Variants in CAMKMT observed in about 807,000 individuals in gnomAD.
CAMKMT encodes calmodulin-lysine N-methyltransferase.
Under a neutral mutation model 48.0 loss-of-function variants are expected in CAMKMT, and 53 were observed. The ratio of observed to expected loss-of-function variants is 1.10; its 90% CI spans 0.89 to 1.39. CAMKMT has a LOEUF of 1.39. Ranked by LOEUF, CAMKMT falls within the 40% of genes most tolerant of loss-of-function variation. The pLI, the probability that CAMKMT is intolerant of heterozygous loss-of-function variation, is 0.00. For missense variants in CAMKMT, 428 were observed against 402.7 expected (o/e 1.06, Z -0.54); for synonymous variants, 165 against 152.3 (o/e 1.08, Z -0.61).
At chr2:44,769,891 C>G (rs1681034646) in intron 10 of CAMKMT, among the ~76,000 whole-genome samples, 1 of 152,108 alleles carries the variant, frequency 6.6e-6, no homozygotes, top group Non-Finnish European at 1.5e-5. Context: ...AGTCTGAACT[C>G]CACTCCTGCT....
At chr2:44,367,981 C>T (rs1037671540) in intron 1 of CAMKMT, among the ~76,000 whole-genome samples, 2 of 152,182 alleles carry the variant, frequency 1.3e-5, no homozygotes, top group African/African-American at 4.8e-5. Flanking sequence ...CTGGAGTAAA[C>T]AAACATTTCA....
At chr2:44,710,849 G>A (rs544210278) in intron 6 of CAMKMT, among the ~76,000 whole-genome samples, 2 of 152,290 alleles carry the variant, frequency 1.3e-5, no homozygotes, top group Non-Finnish European at 2.9e-5. Flanking sequence ...AATGTGCCCA[G>A]CACAAGCACC....
intron 1 of CAMKMT, among the ~76,000 whole-genome samples, chr2:44,363,089 T>C (rs1678126632): frequency 1.3e-5 from 2 of 152,336 alleles, no homozygotes; most frequent in South Asian, 2.1e-4. Flanking sequence ...TGCAGTTGCC[T>C]TGAGTCACCT....
chr2:44,671,528 C>T (rs1470313440), intron 3 of CAMKMT, among the ~76,000 whole-genome samples: 2 of 152,206 alleles, frequency 1.3e-5, no homozygotes, highest in African/African-American at 4.8e-5. Flanking sequence ...TGAGGGTGTT[C>T]AACAGCAGCA....
chr2:44,525,124 T>A (rs938515641), intron 3 of CAMKMT, among the ~76,000 whole-genome samples: 5 of 152,228 alleles, frequency 3.3e-5, no homozygotes, highest in African/African-American at 1.2e-4. Flanking sequence ...TTCAGGCATT[T>A]ATATAAATTT....
chr2:44,655,717 TATCCA>T (rs149327373), intron 3 of CAMKMT, among the ~76,000 whole-genome samples: 39 of 152,344 alleles, frequency 2.6e-4, no homozygotes, highest in African/African-American at 8.9e-4. Context: ...AGAGCAGAGC[TATCCA>T]ATTAGAAAAG....
chr2:44,583,948 G>T (rs1223519566), intron 3 of CAMKMT, among the ~76,000 whole-genome samples: 1 of 152,116 alleles, frequency 6.6e-6, no homozygotes, highest in Non-Finnish European at 1.5e-5. Flanking sequence ...GTATGTATAA[G>T]CATATACATA....
rs1277716140 is a variant in CAMKMT at position 44,619,744 on chromosome 2, A to G, written c.377-84539A>G. Among the ~76,000 whole-genome samples the G allele has an allele frequency of 2.6e-5, 4 of 152,208 alleles. No individual in the cohort carries two copies. In the East Asian group the frequency reaches 5.8e-4, roughly 22 times the overall value. On this transcript the variant is annotated intron_variant, in intron 3 of 10. Coordinates refer to ENST00000378494, the MANE Select transcript of CAMKMT (RefSeq NM_024766.5). ...TTTTTGAAGAGCTTGATTTATAAACAGGGCATTCTTGGTGTATGCACTTAA... is the reference window on the plus strand; with the variant it reads ...TTTTTGAAGAGCTTGATTTATAAACGGGGCATTCTTGGTGTATGCACTTAA...
At chr2:44,593,537 C>T (rs1670448557) in intron 3 of CAMKMT, among the ~76,000 whole-genome samples, 2 of 152,178 alleles carry the variant, frequency 1.3e-5, no homozygotes, top group Admixed American at 1.3e-4. Context: ...AGCCCGGAAT[C>T]TCTCTTAAAC....
rs897203877 is a variant in CAMKMT at position 44,552,640 on chromosome 2, A to G, written c.377-151643A>G. On this transcript the variant is annotated intron_variant, in intron 3 of 10. Transcript: ENST00000378494. ...CCATGCTAAGCGATTTACATACATC[A>G]TCTCATTTAATTCTTACAACTGTTC... is the stretch of plus-strand genomic sequence containing the variant. Among the ~76,000 whole-genome samples, 64 of 152,188 alleles carry G rather than the reference A, an allele frequency of 4.2e-4. 1 individual carries two copies. Among genetic ancestry groups the G allele is most frequent in the Non-Finnish European group, 7.3e-5 (5 of 68,036 alleles).
intron 3 of CAMKMT, among the ~76,000 whole-genome samples, chr2:44,611,912 A>T (rs1485808144): frequency 7.2e-5 from 11 of 152,068 alleles, no homozygotes. Context: ...GCAAGAGCTC[A>T]CTTATCACCA....
intron 3 of CAMKMT, among the ~76,000 whole-genome samples, chr2:44,511,429 C>CCTG (rs1670546187): frequency 6.6e-6 from 1 of 152,160 alleles, no homozygotes; most frequent in Non-Finnish European, 1.5e-5. Flanking sequence ...GCTGGGACTA[C>CCTG]AGGTGTGCAC....
At chr2:44,617,348 G>A (rs1023786737) in intron 3 of CAMKMT, among the ~76,000 whole-genome samples, 1 of 152,008 alleles carries the variant, frequency 6.6e-6, no homozygotes, top group Non-Finnish European at 1.5e-5. Context: ...AATTATTATT[G>A]TTGAATTGCC....
chr2:44,549,358 T>C (rs1667580222), intron 3 of CAMKMT, among the ~76,000 whole-genome samples: 2 of 149,616 alleles, frequency 1.3e-5, no homozygotes, highest in South Asian at 4.2e-4. Flanking sequence ...AGTTTTATAA[T>C]CCTAAAAAAA....
intron 6 of CAMKMT, among the ~76,000 whole-genome samples, chr2:44,713,169 G>A (rs1387295853): frequency 1.3e-5 from 2 of 152,068 alleles, no homozygotes; most frequent in East Asian, 1.9e-4. Context: ...AGTATATAGT[G>A]TTAAGATGTT....
At position 44,754,138 on chromosome 2, in the gene CAMKMT, C is replaced by G. The variant is rs1403537992; in HGVS notation, c.762+20C>G. The G allele has an allele frequency of 1.9e-6, 3 of 1,568,692 alleles. No individual in the cohort carries two copies. The highest frequency in any genetic ancestry group is 2.6e-6 in the Non-Finnish European group (3 of 1,138,770). ...CCCAGGGTAAGTATGTTTCTATTTT[C>G]TCCTGAACACTGGCTACAGAATAAT... On this transcript the variant is annotated intron_variant, in intron 9 of 10. Transcript: ENST00000378494.
chr2:44,426,822 T>C (rs868520121), intron 3 of CAMKMT, among the ~76,000 whole-genome samples: 1 of 152,070 alleles, frequency 6.6e-6, no homozygotes, highest in African/African-American at 2.4e-5. Context: ...AGAAAAACTA[T>C]CTAAAATTCA....
chr2:44,372,809 G>C lies in CAMKMT; in HGVS notation c.232G>C (p.Glu78Gln). 6.2e-7 allele frequency: 1 copy of C among 1,613,930 alleles called. No homozygotes were observed. The highest frequency in any genetic ancestry group is 8.5e-7 in the Non-Finnish European group (1 of 1,179,918). The part of the protein sequence containing the change: ...FNLFSVTEGK[E>Q]RETEEEVGAW... ...TCTGTTTTCAGTAACAGAAGGCAAA[G>C]AAAGGGAAACTGAAGAGGAGGTTGG... Residue 78 changes from glutamate (E) to glutamine (Q), a missense_variant, in exon 2 of 11, where the codon GAA becomes CAA. Coordinates refer to ENST00000378494, the MANE Select transcript of CAMKMT (RefSeq NM_024766.5).
At chr2:44,511,016 T>G (rs1166105036) in intron 3 of CAMKMT, among the ~76,000 whole-genome samples, 3 of 152,034 alleles carry the variant, frequency 2.0e-5, no homozygotes, top group Non-Finnish European at 4.4e-5. Context: ...CATTTTTGTA[T>G]TTTTAGTAGA....
Sources: allele counts gnomAD v4.1 joint callset (sites outside exome capture counted in the v4.1 genomes callset), GRCh38; gene constraint gnomAD v4.1.1; transcripts MANE v1.5; gene names NCBI Gene and HGNC (gene_info 2026-07-23, HGNC 2026-07-21).